CNTN5: variants seen among roughly 807,000 people sequenced by gnomAD.
CNTN5 encodes the protein contactin-5.
CNTN5 carries 77 observed loss-of-function variants against 129.1 expected under a neutral mutation model. The ratio of observed to expected loss-of-function variants is 0.60; its 90% CI spans 0.50 to 0.72. CNTN5 has a LOEUF of 0.72. Among genes scored for constraint, CNTN5 ranks in the 30% least tolerant of loss-of-function variants. The pLI, the probability that CNTN5 is intolerant of heterozygous loss-of-function variation, is 0.00. For synonymous variants in CNTN5, 509 were observed against 465.6 expected (o/e 1.09, Z -1.20); for missense variants, 1,478 against 1,328.8 (o/e 1.11, Z -1.75).
At chr11:100,043,948 T>C (rs1942511554) in intron 9 of CNTN5, among the ~76,000 whole-genome samples, 2 of 152,084 alleles carry the variant, frequency 1.3e-5, no homozygotes, top group Non-Finnish European at 2.9e-5. Flanking sequence ...CATGTATATA[T>C]TGTGTAGTGG....
At chr11:99,229,280 G>A (rs976954563) in intron 1 of CNTN5, among the ~76,000 whole-genome samples, 2 of 151,940 alleles carry the variant, frequency 1.3e-5, no homozygotes, top group Admixed American at 6.6e-5. Flanking sequence ...TATTACTAAT[G>A]TGCATTCAAT....
At chr11:99,978,724 C>T (rs556353710) in intron 8 of CNTN5, among the ~76,000 whole-genome samples, 5 of 152,104 alleles carry the variant, frequency 3.3e-5, no homozygotes, top group Non-Finnish European at 5.9e-5. Context: ...TTAACAGCAA[C>T]GAAATTGCCT....
intron 1 of CNTN5, among the ~76,000 whole-genome samples, chr11:99,325,108 C>T (rs1297305198): frequency 6.6e-6 from 1 of 151,766 alleles, no homozygotes; most frequent in Non-Finnish European, 1.5e-5. Flanking sequence ...CTTAGAGTGA[C>T]ATTATGTTAT....
At chr11:99,324,189 A>G (rs908673860) in intron 1 of CNTN5, among the ~76,000 whole-genome samples, 8 of 152,224 alleles carry the variant, frequency 5.3e-5, no homozygotes, top group African/African-American at 1.9e-4. Context: ...GACAACTACA[A>G]GCAACTGAAA....
intron 9 of CNTN5, among the ~76,000 whole-genome samples, chr11:100,056,417 T>A (rs1308431801): frequency 1.3e-5 from 2 of 150,436 alleles, no homozygotes; most frequent in Non-Finnish European, 3.0e-5. Context: ...TAAAACAAAG[T>A]GACATACCAT....
intron 7 of CNTN5, among the ~76,000 whole-genome samples, chr11:99,930,274 G>T (rs999990199): frequency 6.6e-6 from 1 of 152,060 alleles, no homozygotes; most frequent in East Asian, 1.9e-4. Flanking sequence ...TCAGAAAAAG[G>T]TCACAATCTG....
intron 1 of CNTN5, among the ~76,000 whole-genome samples, chr11:99,107,758 C>T (rs1867069562): frequency 6.6e-6 from 1 of 151,508 alleles, no homozygotes; most frequent in East Asian, 2.0e-4. Context: ...GGTGAAACCC[C>T]GTCTCTACTA....
intron 8 of CNTN5, among the ~76,000 whole-genome samples, chr11:99,995,506 CT>C (rs903862770): frequency 1.3e-5 from 2 of 152,004 alleles, no homozygotes; most frequent in African/African-American, 4.8e-5. Flanking sequence ...AAAGGTAGCC[CT>C]TTTTTTCCCT....
chr11:99,880,059 A>C (rs562268120), intron 6 of CNTN5, among the ~76,000 whole-genome samples: 1 of 152,346 alleles, frequency 6.6e-6, no homozygotes, highest in Admixed American at 6.5e-5. Flanking sequence ...CCCGTTCACT[A>C]TTCTTGAACT....
intron 15 of CNTN5, among the ~76,000 whole-genome samples, chr11:100,218,726 A>C (rs943654689): frequency 1.3e-5 from 2 of 152,224 alleles, no homozygotes; most frequent in East Asian, 3.8e-4. Context: ...TATAATTTGT[A>C]GATTTTGGTG....
At chr11:99,276,126 A>G (rs552058634) in intron 1 of CNTN5, among the ~76,000 whole-genome samples, 178 of 151,704 alleles carry the variant, frequency 1.2e-3, no homozygotes, top group Non-Finnish European at 1.7e-3. Context: ...ACTTTTCTCA[A>G]TTATCTCATT....
At chr11:99,852,970 A>G (rs1430036772) in intron 6 of CNTN5, among the ~76,000 whole-genome samples, 3 of 152,244 alleles carry the variant, frequency 2.0e-5, no homozygotes, top group Admixed American at 6.5e-5. Flanking sequence ...ATGATAAAAT[A>G]GCAACATATC....
chr11:99,798,816 T>C (rs1946028043), intron 3 of CNTN5, among the ~76,000 whole-genome samples: 1 of 152,178 alleles, frequency 6.6e-6, no homozygotes, highest in Admixed American at 6.5e-5. Context: ...TGTTTGTACG[T>C]TCGTAGGAAT....
chr11:100,278,685 C>T (rs561191297), intron 18 of CNTN5, among the ~76,000 whole-genome samples: 1 of 152,042 alleles, frequency 6.6e-6, no homozygotes, highest in Non-Finnish European at 1.5e-5. Context: ...ATTTGTTCAT[C>T]AGTTCTAATT....
intron 1 of CNTN5, among the ~76,000 whole-genome samples, chr11:99,272,518 A>G (rs566772184): frequency 1.3e-5 from 2 of 151,812 alleles, no homozygotes; most frequent in Non-Finnish European, 2.9e-5. Context: ...GACTGAGACT[A>G]CAAGTGCACA....
At chr11:99,030,214 T>C (rs1287262189) in intron 1 of CNTN5, among the ~76,000 whole-genome samples, 1 of 152,174 alleles carries the variant, frequency 6.6e-6, no homozygotes, top group Non-Finnish European at 1.5e-5. Context: ...GAGAAGGAAA[T>C]GAGACTGTAG....
intron 1 of CNTN5, among the ~76,000 whole-genome samples, chr11:99,112,734 T>G (rs1268086827): frequency 6.6e-6 from 1 of 152,036 alleles, no homozygotes; most frequent in Non-Finnish European, 1.5e-5. Flanking sequence ...CAGCACTGAA[T>G]GCTGGCTTAT....
At chr11:99,833,415 T>C (rs1947207520) in intron 4 of CNTN5, among the ~76,000 whole-genome samples, 1 of 152,172 alleles carries the variant, frequency 6.6e-6, no homozygotes, top group Non-Finnish European at 1.5e-5. Flanking sequence ...TGAGAACCCA[T>C]ACAACCAATC....
rs1023755243 is a variant in CNTN5 at position 99,865,817 on chromosome 11, G to A, written c.577+20555G>A. On this transcript the variant is annotated intron_variant, in intron 6 of 24. Coordinates refer to ENST00000524871, the MANE Select transcript of CNTN5 (RefSeq NM_014361.4). ...CATTTTCCACAACTCATTAAATTTA[G>A]GCTTATAAGTAGCTGTAACCTGGTT... is the stretch of plus-strand genomic sequence containing the variant. Among the ~76,000 whole-genome samples the A allele has an allele frequency of 3.9e-5, 6 of 151,964 alleles. No homozygotes were observed. The South Asian group carries it at 1.2e-3, about 31-fold the overall frequency.
Sources: gnomAD v4.1 joint callset for allele counts (sites outside exome capture counted in the v4.1 genomes callset) on GRCh38, gnomAD v4.1.1 for gene constraint, MANE v1.5 for transcripts, NCBI Gene and HGNC (gene_info 2026-07-23, HGNC 2026-07-21) for gene names.